RHCE: variants seen among roughly 807,000 people sequenced by gnomAD.
RHCE encodes blood group Rh(CE) polypeptide.
In RHCE, 22 loss-of-function variants were observed where a neutral mutation model predicts 43.8. The ratio of observed to expected loss-of-function variants is 0.50; its 90% CI spans 0.36 to 0.72. The LOEUF (loss-of-function observed/expected upper bound fraction) is 0.72, where lower values mean the gene tolerates loss of function less well. RHCE is among the 30% of genes least tolerant of loss of function. RHCE has a pLI of 0.00. For missense variants in RHCE, 385 were observed against 525.4 expected (o/e 0.73, Z 2.61); for synonymous variants, 156 against 210.7 (o/e 0.74, Z 2.25).
rs189511815 is a variant in RHCE at position 25,373,940 on chromosome 1, C to T, written c.1153+1409G>A. 2.1e-3 allele frequency among the ~76,000 whole-genome samples: 313 copies of T among 151,302 alleles called. 12 individuals are homozygous for T. The highest frequency in any genetic ancestry group is 7.4e-3 in the African/African-American group (302 of 40,844). On this transcript the variant is annotated intron_variant, in intron 8 of 9. Coordinates refer to ENST00000294413, the MANE Select transcript of RHCE (RefSeq NM_020485.8). ...GGGTCAAGCCATTCCCCTACTTCAGCCTCCCGAGTAGCTGGGACTACAGGC... is the reference window on the plus strand; with the variant it reads ...GGGTCAAGCCATTCCCCTACTTCAGTCTCCCGAGTAGCTGGGACTACAGGC...
At chr1:25,397,363 G>A (rs1646581120) in intron 3 of RHCE, among the ~76,000 whole-genome samples, 3 of 151,292 alleles carry the variant, frequency 2.0e-5, no homozygotes, top group East Asian at 2.0e-4. Flanking sequence ...CAGGCGTGGT[G>A]GTGTGTGCCT....
At chr1:25,413,666 TAGAC>T (rs1019772027) in intron 1 of RHCE, among the ~76,000 whole-genome samples, 14 of 151,186 alleles carry the variant, frequency 9.3e-5, no homozygotes, top group African/African-American at 3.4e-4. Flanking sequence ...GGCACACAGA[TAGAC>T]AGTACCCCAC....
chr1:25,378,722 T>C lies in RHCE; in HGVS notation c.1074-3294A>G, dbSNP rs892289782. On this transcript the variant is annotated intron_variant, in intron 7 of 9. Coordinates refer to ENST00000294413, the MANE Select transcript of RHCE (RefSeq NM_020485.8). ...CTTTTTCATAAAGGCATAGGCCCAG[T>C]TCCCCCTCTCTTTCTGCTGCCTGGT... 8.5e-5 allele frequency among the ~76,000 whole-genome samples: 13 copies of C among 152,318 alleles called. No individual in the cohort carries two copies. The South Asian group carries it at 1.2e-3, about 15-fold the overall frequency.
chr1:25,401,263 A>G (rs1646731112), intron 3 of RHCE, among the ~76,000 whole-genome samples: 1 of 152,210 alleles, frequency 6.6e-6, no homozygotes, highest in African/African-American at 2.4e-5. Flanking sequence ...TGCTACCCTC[A>G]TATTACAGAC....
chr1:25,371,094 CTG>C (rs1645598803), intron 8 of RHCE, among the ~76,000 whole-genome samples: 1 of 148,830 alleles, frequency 6.7e-6, no homozygotes, highest in African/African-American at 2.5e-5. Context: ...AAAAAAAGAA[CTG>C]GGAATGGCAG....
chr1:25,401,392 G>C (rs938442790), intron 3 of RHCE, among the ~76,000 whole-genome samples: 1 of 152,138 alleles, frequency 6.6e-6, no homozygotes, highest in African/African-American at 2.4e-5. Context: ...TCTAAGCCAG[G>C]CTGGAACTGT....
At chr1:25,416,259 A>C (rs927306525) in intron 1 of RHCE, among the ~76,000 whole-genome samples, 4 of 151,526 alleles carry the variant, frequency 2.6e-5, no homozygotes, top group African/African-American at 9.7e-5. Flanking sequence ...TGTTTTATTT[A>C]TTTTTATTTT....
intron 1 of RHCE, among the ~76,000 whole-genome samples, chr1:25,418,626 A>G (rs1444582028): frequency 6.6e-6 from 1 of 152,214 alleles, no homozygotes; most frequent in Non-Finnish European, 1.5e-5. Flanking sequence ...TTTAGGCTAC[A>G]GGGCAATGCA....
chr1:25,372,586 G>A (rs1645645465), intron 8 of RHCE, among the ~76,000 whole-genome samples: 3 of 151,348 alleles, frequency 2.0e-5, no homozygotes, highest in South Asian at 4.2e-4. Context: ...TTCTGCTGGT[G>A]TACTTTACCT....
Position 25,373,247 on chromosome 1 carries a change from G to T in RHCE, c.1153+2102C>A, listed in dbSNP as rs1263766549. On this transcript the variant is annotated intron_variant, in intron 8 of 9. Transcript: ENST00000294413. ...ATAAGAAAAGACCCCCGGGTACTTT[G>T]CAAGACAGAGGGCAAGTCAGCACCA... is the stretch of plus-strand genomic sequence containing the variant. Among the ~76,000 whole-genome samples the T allele has an allele frequency of 2.0e-5, 3 of 151,772 alleles. No individual in the cohort carries two copies. The East Asian group carries it at 5.8e-4, about 29-fold the overall frequency.
At chr1:25,384,117 A>G (rs1200164135) in intron 7 of RHCE, among the ~76,000 whole-genome samples, 1 of 150,690 alleles carries the variant, frequency 6.6e-6, no homozygotes, top group Admixed American at 6.6e-5. Flanking sequence ...TAGGGCTTGC[A>G]TTTCTAACAA....
chr1:25,390,107 C>T (rs1399351659), intron 5 of RHCE, among the ~76,000 whole-genome samples: 1 of 152,132 alleles, frequency 6.6e-6, no homozygotes, highest in Non-Finnish European at 1.5e-5. Context: ...CCAGCTGGAC[C>T]CCCTGCCCCC....
intron 1 of RHCE, among the ~76,000 whole-genome samples, chr1:25,415,289 C>A (rs1647299501): frequency 6.6e-6 from 1 of 152,186 alleles, no homozygotes; most frequent in African/African-American, 2.4e-5. Flanking sequence ...ATGCTCAATA[C>A]AATCACCAGG....
In RHCE at chr1:25,398,766, G is replaced by A; in HGVS notation, c.486+3830C>T. On this transcript the variant is annotated intron_variant, in intron 3 of 9. Coordinates refer to ENST00000294413, the MANE Select transcript of RHCE (RefSeq NM_020485.8). ...GAGTGCCGTTTGCGGTGCCCAAGGA[G>A]GCCGAGCTCTGTTGCTGCGAACTCC... is the stretch of plus-strand genomic sequence containing the variant. 4.4e-6 allele frequency: 7 copies of A among 1,582,106 alleles called. No homozygotes were observed. The South Asian group carries it at 7.7e-5, about 18-fold the overall frequency.
intron 2 of RHCE, among the ~76,000 whole-genome samples, chr1:25,403,207 T>G (rs949856271): frequency 2.0e-5 from 3 of 152,106 alleles, no homozygotes; most frequent in Non-Finnish European, 4.4e-5. Flanking sequence ...CTTCTCTCCC[T>G]CTCCGTGGCA....
chr1:25,416,841 T>G (rs1396199869), intron 1 of RHCE, among the ~76,000 whole-genome samples: 1 of 150,336 alleles, frequency 6.7e-6, no homozygotes, highest in East Asian at 1.9e-4. Context: ...TCCCTATGTT[T>G]CCTAGGCTGG....
At chr1:25,416,605 G>T (rs748644762) in intron 1 of RHCE, among the ~76,000 whole-genome samples, 3 of 151,528 alleles carry the variant, frequency 2.0e-5, no homozygotes, top group African/African-American at 7.3e-5. Flanking sequence ...TTACAGTCTC[G>T]CTTCACCTCA....
At chr1:25,414,087 C>T (rs1249493960) in intron 1 of RHCE, among the ~76,000 whole-genome samples, 1 of 152,062 alleles carries the variant, frequency 6.6e-6, no homozygotes, top group African/African-American at 2.4e-5. Context: ...GCATTGGGTA[C>T]GTAGTGAGTG....
chr1:25,379,477 ATATATATATATATATATATTTTTTTT>A (rs1475498004), intron 7 of RHCE, among the ~76,000 whole-genome samples: 1,357 of 13,430 alleles, frequency 0.1, 58 homozygotes, highest in African/African-American at 0.15. Context: ...ATATATATAT[ATATATATATATATATATATTTTTTTT>A]TTTTTTTTTT....
Sources: allele counts gnomAD v4.1 joint callset (sites outside exome capture counted in the v4.1 genomes callset), GRCh38; gene constraint gnomAD v4.1.1; transcripts MANE v1.5; gene names NCBI Gene and HGNC (gene_info 2026-07-23, HGNC 2026-07-21).